SLC2A9: variants seen among roughly 807,000 people sequenced by gnomAD.
SLC2A9 encodes the protein solute carrier family 2, facilitated glucose transporter member 9.
A neutral mutation model predicts 50.6 loss-of-function variants in SLC2A9; 39 were observed. The observed-to-expected ratio is 0.77, with a 90% CI of 0.60 to 1.01. The LOEUF (loss-of-function observed/expected upper bound fraction) is 1.01, where lower values mean the gene tolerates loss of function less well. Ranked by LOEUF, SLC2A9 falls within the 50% of genes least tolerant of loss-of-function variation. The probability of loss-of-function intolerance (pLI) is 0.00; values close to 1 mark genes in which losing one functional copy is unlikely to be tolerated. For synonymous variants in SLC2A9, 324 were observed against 276.9 expected (o/e 1.17, Z -1.69); for missense variants, 686 against 677.6 (o/e 1.01, Z -0.14).
intron 7 of SLC2A9, among the ~76,000 whole-genome samples, chr4:9,917,325 CTTTTTTT>C (rs55927201): frequency 6.7e-3 from 545 of 81,796 alleles, no homozygotes; most frequent in Middle Eastern, 0.026. Context: ...TTCTTTTTTC[CTTTTTTT>C]TTTTTTTTTT....
intron 10 of SLC2A9, among the ~76,000 whole-genome samples, chr4:9,863,698 G>A (rs921142574): frequency 5.0e-5 from 7 of 139,400 alleles, no homozygotes; most frequent in Non-Finnish European, 1.1e-4. Flanking sequence ...ATGCATGTCC[G>A]CTGACCACTC....
At chr4:9,937,191 A>C (rs917841724) in intron 6 of SLC2A9, among the ~76,000 whole-genome samples, 4 of 152,222 alleles carry the variant, frequency 2.6e-5, no homozygotes, top group African/African-American at 9.7e-5. Flanking sequence ...CCTTACAGCA[A>C]GAGTTGCTTG....
intron 10 of SLC2A9, among the ~76,000 whole-genome samples, chr4:9,852,572 G>T (rs1474411664): frequency 6.6e-6 from 1 of 152,178 alleles, no homozygotes; most frequent in Admixed American, 6.5e-5. Flanking sequence ...TTAAAGAAAA[G>T]AAATTCCAAT....
At chr4:9,818,277 C>T (rs1723909465) in intron 3 of SLC2A9, among the ~76,000 whole-genome samples, 1 of 152,182 alleles carries the variant, frequency 6.6e-6, no homozygotes, top group Non-Finnish European at 1.5e-5. Context: ...GCCCTTTTTA[C>T]TCACTCCTCC....
Position 10,021,396 on chromosome 4 carries a change from G to C in SLC2A9, c.34C>G (p.Leu12Val). ...ARKQNRNSKE[L>V]GLVPLTDDTS... ...TCATCTGTGAGGGGAACTAGGCCCA[G>C]TTCCTTGGAATTCCTATTTTGTTTC... The change falls in exon 1 of 12, where the codon CTG becomes GTG. Residue 12 changes from leucine to valine, a missense_variant. Coordinates refer to ENST00000264784, the MANE Select transcript of SLC2A9 (RefSeq NM_020041.3). 1.2e-6 allele frequency: 2 copies of C among 1,614,242 alleles called. No individual in the cohort carries two copies. The highest frequency in any genetic ancestry group is 1.7e-6 in the Non-Finnish European group (2 of 1,180,034).
At chr4:9,921,300 AT>A (rs573567024) in intron 6 of SLC2A9, among the ~76,000 whole-genome samples, 48 of 150,324 alleles carry the variant, frequency 3.2e-4, no homozygotes, top group African/African-American at 7.8e-4. Context: ...AGAACCCATC[AT>A]TTTTTTTTTA....
intron 10 of SLC2A9, among the ~76,000 whole-genome samples, chr4:9,871,265 A>C (rs748969940): frequency 1.3e-5 from 2 of 152,158 alleles, no homozygotes; most frequent in African/African-American, 4.8e-5. Flanking sequence ...GGATTAGGAA[A>C]TACTTTCCTG....
At chr4:9,899,481 G>A (rs1173304677) in intron 8 of SLC2A9, among the ~76,000 whole-genome samples, 1 of 152,174 alleles carries the variant, frequency 6.6e-6, no homozygotes, top group Non-Finnish European at 1.5e-5. Flanking sequence ...AAGAAGCCAA[G>A]ACCTTGGAAA....
intron 5 of SLC2A9, among the ~76,000 whole-genome samples, chr4:9,949,085 T>C (rs1416908234): frequency 1.3e-5 from 2 of 152,220 alleles, no homozygotes; most frequent in Non-Finnish European, 2.9e-5. Flanking sequence ...CTTTACCTTA[T>C]AGCATTCCCT....
At chr4:9,923,100 A>C (rs971116837) in intron 6 of SLC2A9, 2 of 152,194 alleles carry the variant, frequency 1.3e-5, no homozygotes, top group Admixed American at 1.3e-4. Context: ...AAAATAGCAA[A>C]CATAGAAGAC....
chr4:9,931,962 C>CTA (rs61538689), intron 6 of SLC2A9, among the ~76,000 whole-genome samples: 351 of 14,556 alleles, frequency 0.024, 28 homozygotes, highest in Middle Eastern at 0.029. Context: ...CTCTCTCTCT[C>CTA]TATATATATA....
chr4:9,781,768 T>C, intron 3 of SLC2A9: 1 of 401,296 alleles, frequency 2.5e-6, no homozygotes, highest in Non-Finnish European at 4.4e-6. Context: ...CAGCCCTGGC[T>C]GTCAGCGAGC....
chr4:9,824,355 G>A (rs867328762), downstream of SLC2A9, among the ~76,000 whole-genome samples: 5 of 152,036 alleles, frequency 3.3e-5, no homozygotes, highest in African/African-American at 1.2e-4. Context: ...CCAGTTTCAG[G>A]TATTCTGTTA....
rs939851131 is a variant in SLC2A9 at position 9,848,916 on chromosome 4, C to A, written c.1292-13908G>T. Among the ~76,000 whole-genome samples, 20 of 152,246 alleles carry A rather than the reference C, an allele frequency of 1.3e-4. 1 individual carries two copies. The highest frequency in any genetic ancestry group is 1.3e-3 in the Admixed American group (20 of 15,304). ...CCGGGGTTTCTGCATGTTGGTCAGG[C>A]TGGTCTCAATCTCCTGACCTTGTGA... On this transcript the variant is annotated intron_variant, in intron 10 of 11. Transcript: ENST00000264784.
At chr4:10,000,785 C>A (rs1295527455) in intron 2 of SLC2A9, among the ~76,000 whole-genome samples, 1 of 152,154 alleles carries the variant, frequency 6.6e-6, no homozygotes, top group Non-Finnish European at 1.5e-5. Flanking sequence ...GACCCATCAG[C>A]CTGTACCTCT....
chr4:9,921,762 T>A (rs1307862704), intron 6 of SLC2A9, among the ~76,000 whole-genome samples: 1 of 152,258 alleles, frequency 6.6e-6, no homozygotes, highest in Non-Finnish European at 1.5e-5. Flanking sequence ...GCAATGTTTC[T>A]GTTTCATGCA....
chr4:10,015,345 T>G (rs992129958), intron 2 of SLC2A9, among the ~76,000 whole-genome samples: 3 of 152,176 alleles, frequency 2.0e-5, no homozygotes, highest in Admixed American at 1.3e-4. Context: ...GGATCTTGGA[T>G]TCAGACAGAC....
intron 10 of SLC2A9, among the ~76,000 whole-genome samples, chr4:9,875,727 TC>T (rs1274537205): frequency 6.6e-6 from 1 of 152,094 alleles, no homozygotes; most frequent in Non-Finnish European, 1.5e-5. Flanking sequence ...CCTCCCCTTT[TC>T]CCCCCAGTGA....
Position 10,017,476 on chromosome 4 carries a change from C to A in SLC2A9, c.249+1499G>T, listed in dbSNP as rs145835893. Among the ~76,000 whole-genome samples the A allele has an allele frequency of 2.5e-3, 383 of 152,298 alleles. 6 individuals are homozygous for A. The highest frequency in any genetic ancestry group is 9.0e-3 in the African/African-American group (374 of 41,554). ...CAGTGCTTACTGAAGCCATCTAGGC[C>A]CCCTGGTTTTCAAACAGTTTTTAGC... On this transcript the variant is annotated intron_variant, in intron 2 of 11. Coordinates refer to ENST00000264784, the MANE Select transcript of SLC2A9 (RefSeq NM_020041.3).
Sources: allele counts gnomAD v4.1 joint callset (sites outside exome capture counted in the v4.1 genomes callset), GRCh38; gene constraint gnomAD v4.1.1; transcripts MANE v1.5; gene names NCBI Gene and HGNC (gene_info 2026-07-23, HGNC 2026-07-21).